KCNH1: variants seen among roughly 807,000 people sequenced by gnomAD.
The protein encoded by KCNH1 is potassium voltage-gated channel subfamily H member 1.
In KCNH1, 27 loss-of-function variants were observed where a neutral mutation model predicts 69.2. That is an observed-to-expected ratio of 0.39 (90% CI 0.29 to 0.54). The LOEUF (loss-of-function observed/expected upper bound fraction) is 0.54. KCNH1 is among the 20% of genes least tolerant of loss of function. KCNH1 has a pLI of 0.68. For missense variants in KCNH1, 798 were observed against 1,261.6 expected, an observed-to-expected ratio of 0.63 and a Z score of 5.57; for synonymous variants, 456 against 487.7, an observed-to-expected ratio of 0.93 and a Z score of 0.86.
rs144557849 is a variant in KCNH1 at position 210,945,735 on chromosome 1, T to G, written c.1033-25666A>C. 4.9e-4 allele frequency among the ~76,000 whole-genome samples: 75 copies of G among 152,272 alleles called. 1 individual carries two copies. In the East Asian group the frequency reaches 0.013, roughly 27 times the overall value. On this transcript the variant is annotated intron_variant, in intron 6 of 10. Coordinates refer to ENST00000271751, the MANE Select transcript of KCNH1 (RefSeq NM_172362.3). ...GTTCCTCAGACACATTGGGTACCCT[T>G]CCACCGCAGGGCCTTTGCGCTTGTT... is the stretch of plus-strand genomic sequence containing the variant.
At chr1:210,862,149 C>T (rs565053671) in intron 7 of KCNH1, 21 of 1,342,724 alleles carry the variant, frequency 1.6e-5, no homozygotes, top group Middle Eastern at 1.8e-4. Context: ...CCAGCTGTTC[C>T]GACATAGTAA....
chr1:210,778,610 G>A (rs1172254072), intron 9 of KCNH1, among the ~76,000 whole-genome samples: 1 of 152,060 alleles, frequency 6.6e-6, no homozygotes, highest in Non-Finnish European at 1.5e-5. Flanking sequence ...CTCTGAGCTG[G>A]CATCCCCCAC....
intron 10 of KCNH1, among the ~76,000 whole-genome samples, chr1:210,696,062 T>C (rs1390390700): frequency 1.3e-5 from 2 of 152,216 alleles, no homozygotes; most frequent in Admixed American, 1.3e-4. Context: ...CACAAGCTTC[T>C]TCAGTTCTCA....
intron 5 of KCNH1, among the ~76,000 whole-genome samples, chr1:211,071,243 T>C (rs937272097): frequency 1.3e-5 from 2 of 152,294 alleles, no homozygotes; most frequent in East Asian, 1.9e-4. Context: ...ATGATACATA[T>C]GAAGCAATCT....
intron 6 of KCNH1, among the ~76,000 whole-genome samples, chr1:210,999,656 T>A (rs934730739): frequency 3.3e-5 from 5 of 152,198 alleles, no homozygotes; most frequent in Non-Finnish European, 5.9e-5. Context: ...CCTCCCTAAC[T>A]CATTTTATGA....
rs374103690 is a variant in KCNH1 at position 210,803,949 on chromosome 1, G to C, written c.1662+18C>G. The C allele has an allele frequency of 6.2e-7, 1 of 1,608,788 alleles. No individual in the cohort carries two copies. The highest frequency in any genetic ancestry group is 8.5e-7 in the Non-Finnish European group (1 of 1,176,128). On this transcript the variant is annotated intron_variant, in intron 8 of 10. Transcript: ENST00000271751. ...ACCAAAAGACAAATGGTTTCCCTGA[G>C]CTCCTCATCCTCCTTACCTTCTCTG...
At chr1:210,778,564 C>T (rs941614618) in intron 9 of KCNH1, among the ~76,000 whole-genome samples, 15 of 150,356 alleles carry the variant, frequency 1.0e-4, no homozygotes, top group African/African-American at 1.2e-4. Flanking sequence ...TGCCAGGTTA[C>T]GTAATATTCC....
intron 10 of KCNH1, among the ~76,000 whole-genome samples, chr1:210,732,627 G>A (rs1032992975): frequency 1.3e-5 from 2 of 152,178 alleles, no homozygotes; most frequent in Non-Finnish European, 2.9e-5. Context: ...AGCTTAGACT[G>A]GGTAATTTAT....
At chr1:210,887,902 A>G (rs1393522717) in intron 7 of KCNH1, among the ~76,000 whole-genome samples, 1 of 152,158 alleles carries the variant, frequency 6.6e-6, no homozygotes, top group Non-Finnish European at 1.5e-5. Context: ...GAGCACCAAG[A>G]TTCATAAAGC....
At chr1:210,927,249 C>T (rs1054782267) in intron 6 of KCNH1, among the ~76,000 whole-genome samples, 2 of 152,070 alleles carry the variant, frequency 1.3e-5, no homozygotes, top group Non-Finnish European at 2.9e-5. Context: ...AAAAGGTCAT[C>T]GTCTAGGCAC....
chr1:210,925,473 G>T (rs12121565), intron 6 of KCNH1, among the ~76,000 whole-genome samples: 53,644 of 152,074 alleles, frequency 0.35, 9,918 homozygotes, highest in African/African-American at 0.42. Flanking sequence ...ACGGCCTCAG[G>T]CAGGTTCTTA....
intron 7 of KCNH1, among the ~76,000 whole-genome samples, chr1:210,819,781 A>G (rs1684890215): frequency 6.6e-6 from 1 of 152,252 alleles, no homozygotes; most frequent in Non-Finnish European, 1.5e-5. Context: ...ACCACAGAAC[A>G]GTTGACTTGG....
chr1:210,939,094 C>T (rs1687833195), intron 6 of KCNH1, among the ~76,000 whole-genome samples: 1 of 152,136 alleles, frequency 6.6e-6, no homozygotes, highest in Non-Finnish European at 1.5e-5. Flanking sequence ...ACATGCCCTC[C>T]TCTAGGCTCC....
intron 6 of KCNH1, among the ~76,000 whole-genome samples, chr1:210,953,485 C>T (rs150264391): frequency 1.2e-4 from 18 of 152,336 alleles, no homozygotes; most frequent in African/African-American, 4.3e-4. Flanking sequence ...AAAACTCTCT[C>T]TTGGTTTTGC....
chr1:211,083,129 T>G (rs1377846257), intron 4 of KCNH1, among the ~76,000 whole-genome samples: 1 of 152,252 alleles, frequency 6.6e-6, no homozygotes, highest in Non-Finnish European at 1.5e-5. Context: ...GTTTGTGAAG[T>G]TGGTACAGCA....
intron 10 of KCNH1, among the ~76,000 whole-genome samples, chr1:210,763,154 T>C (rs1777261): frequency 0.17 from 25,525 of 151,864 alleles, 2,205 homozygotes; most frequent in Non-Finnish European, 0.19. Context: ...GCAGAAAAAG[T>C]AGTCAATACA....
intron 7 of KCNH1, among the ~76,000 whole-genome samples, chr1:210,857,164 A>G (rs977027773): frequency 8.6e-5 from 13 of 151,962 alleles, no homozygotes; most frequent in African/African-American, 3.1e-4. Context: ...GGCTTAGAGC[A>G]CATACAGGTC....
At chr1:210,806,836 A>ATATATATATAT (rs59113939) in intron 7 of KCNH1, among the ~76,000 whole-genome samples, 14 of 85,504 alleles carry the variant, frequency 1.6e-4, no homozygotes, top group African/African-American at 7.1e-4. Context: ...AAAAAAAAAA[A>ATATATATATAT]ATATATATAT....
chr1:210,990,688 T>C (rs1364041183), intron 6 of KCNH1, among the ~76,000 whole-genome samples: 1 of 152,114 alleles, frequency 6.6e-6, no homozygotes, highest in African/African-American at 2.4e-5. Context: ...GAAATAAGAA[T>C]AACTACCTTG....
Sources: gnomAD v4.1 joint callset for allele counts (sites outside exome capture counted in the v4.1 genomes callset) on GRCh38, gnomAD v4.1.1 for gene constraint, MANE v1.5 for transcripts, NCBI Gene and HGNC (gene_info 2026-07-23, HGNC 2026-07-21) for gene names.